The following CCBE1 variants were observed in gnomAD, a reference collection of about 807,000 sequenced individuals.
CCBE1 encodes collagen and calcium binding EGF domains 1, also known as collagen and calcium-binding EGF domain-containing protein 1.
CCBE1 carries 37 observed loss-of-function variants against 50.0 expected under a neutral mutation model. That is an observed-to-expected ratio of 0.74 (90% confidence interval 0.57 to 0.97). The LOEUF (loss-of-function observed/expected upper bound fraction) is 0.97, where lower values mean the gene tolerates loss of function less well. Among genes scored for constraint, CCBE1 ranks in the 50% least tolerant of loss-of-function variants. CCBE1 has a pLI of 0.00. For synonymous variants in CCBE1, 234 were observed against 203.7 expected (o/e 1.15, Z -1.27); for missense variants, 538 against 523.8 (o/e 1.03, Z -0.26).
At chr18:59,482,478 A>G (rs898836963) in intron 2 of CCBE1, among the ~76,000 whole-genome samples, 29 of 152,204 alleles carry the variant, frequency 1.9e-4, no homozygotes, top group Non-Finnish European at 5.9e-5. Flanking sequence ...TCATTCTACT[A>G]TAAAGATACA....
intron 2 of CCBE1, among the ~76,000 whole-genome samples, chr18:59,522,470 CAAGT>C (rs749316142): frequency 2.6e-5 from 4 of 152,034 alleles, no homozygotes; most frequent in Non-Finnish European, 4.4e-5. Flanking sequence ...TTAATAAAAA[CAAGT>C]AAGATAATCA....
chr18:59,507,156 C>A (rs919539281), intron 2 of CCBE1, among the ~76,000 whole-genome samples: 1 of 152,156 alleles, frequency 6.6e-6, no homozygotes. Context: ...GAAAATCAAC[C>A]ATATCTTCTT....
intron 2 of CCBE1, among the ~76,000 whole-genome samples, chr18:59,559,596 T>C (rs1044399364): frequency 2.0e-5 from 3 of 152,190 alleles, no homozygotes; most frequent in African/African-American, 7.2e-5. Flanking sequence ...GCATAAAGCC[T>C]CTTGTGTTTA....
intron 7 of CCBE1, among the ~76,000 whole-genome samples, chr18:59,440,313 G>A (rs1337561796): frequency 6.6e-6 from 1 of 152,194 alleles, no homozygotes; most frequent in African/African-American, 2.4e-5. Context: ...CATCTCATCT[G>A]TAAAAGTGGG....
intron 3 of CCBE1, among the ~76,000 whole-genome samples, chr18:59,478,609 C>G (rs655998): frequency 0.26 from 39,770 of 152,096 alleles, 5,293 homozygotes; most frequent in Non-Finnish European, 0.29. Context: ...AGGGAGACTA[C>G]TTTTAAGGCC....
chr18:59,676,861 G>A (rs77730554), intron 2 of CCBE1, among the ~76,000 whole-genome samples: 6 of 152,176 alleles, frequency 3.9e-5, no homozygotes, highest in Non-Finnish European at 5.9e-5. Flanking sequence ...GGATTTAAGT[G>A]GGGGGAAGAC....
intron 3 of CCBE1, among the ~76,000 whole-genome samples, chr18:59,476,335 C>G (rs1912304759): frequency 6.6e-6 from 1 of 152,118 alleles, no homozygotes; most frequent in South Asian, 2.1e-4. Context: ...ACTGTGTCCC[C>G]TTGAGAAACC....
chr18:59,545,865 G>A (rs1915661569), intron 2 of CCBE1, among the ~76,000 whole-genome samples: 1 of 152,180 alleles, frequency 6.6e-6, no homozygotes, highest in Non-Finnish European at 1.5e-5. Context: ...CCATGATTCT[G>A]AGGACTCCCC....
chr18:59,504,002 T>C (rs1467037413), intron 2 of CCBE1, among the ~76,000 whole-genome samples: 3 of 152,208 alleles, frequency 2.0e-5, no homozygotes, highest in Non-Finnish European at 2.9e-5. Flanking sequence ...GCAGGAGGCT[T>C]GCCTTGTTCA....
intron 2 of CCBE1, among the ~76,000 whole-genome samples, chr18:59,495,199 T>A (rs1913291671): frequency 1.3e-5 from 2 of 152,142 alleles, no homozygotes; most frequent in Non-Finnish European, 2.9e-5. Flanking sequence ...GGTGTACTTT[T>A]TTTGACCTAT....
intron 2 of CCBE1, among the ~76,000 whole-genome samples, chr18:59,694,343 A>C (rs982177493): frequency 6.6e-6 from 1 of 152,204 alleles, no homozygotes; most frequent in Non-Finnish European, 1.5e-5. Context: ...CTCAATTCAA[A>C]GTAACCTTTA....
chr18:59,577,307 G>A (rs530080080), intron 2 of CCBE1, among the ~76,000 whole-genome samples: 1 of 152,230 alleles, frequency 6.6e-6, no homozygotes, highest in Non-Finnish European at 1.5e-5. Flanking sequence ...CCAGGCAGCA[G>A]TTCCAGCTGG....
intron 2 of CCBE1, among the ~76,000 whole-genome samples, chr18:59,658,900 A>AAC (rs1555704936): frequency 6.7e-6 from 1 of 148,430 alleles, no homozygotes; most frequent in Non-Finnish European, 1.5e-5. Flanking sequence ...AAAAAAAAAA[A>AAC]AAAAAACTGT....
chr18:59,675,681 C>T (rs2054491571), intron 2 of CCBE1, among the ~76,000 whole-genome samples: 1 of 152,164 alleles, frequency 6.6e-6, no homozygotes, highest in African/African-American at 2.4e-5. Context: ...CATCAGAGAG[C>T]AGAGAAGGTT....
intron 2 of CCBE1, among the ~76,000 whole-genome samples, chr18:59,687,287 CCTTT>C (rs1599137805): frequency 6.6e-6 from 1 of 152,264 alleles, no homozygotes; most frequent in Non-Finnish European, 1.5e-5. Flanking sequence ...TATCTATGCA[CCTTT>C]CTAAGTTTAG....
At chr18:59,457,450 G>C (rs572254205) in intron 5 of CCBE1, among the ~76,000 whole-genome samples, 1 of 152,116 alleles carries the variant, frequency 6.6e-6, no homozygotes, top group Non-Finnish European at 1.5e-5. Context: ...CACTTGCCTC[G>C]ACCACAGCCC....
intron 5 of CCBE1, among the ~76,000 whole-genome samples, chr18:59,458,659 T>G (rs1911319780): frequency 6.6e-6 from 1 of 152,222 alleles, no homozygotes; most frequent in African/African-American, 2.4e-5. Context: ...GACCACGAAC[T>G]CAACTGGGTC....
chr18:59,695,700 C>T (rs2054795698), intron 2 of CCBE1, among the ~76,000 whole-genome samples: 1 of 152,150 alleles, frequency 6.6e-6, no homozygotes, highest in Admixed American at 6.5e-5. Context: ...CTTTCAAGTT[C>T]GTTTCTAGGG....
At chr18:59,500,635 A>G (rs1179484890) in intron 2 of CCBE1, among the ~76,000 whole-genome samples, 1 of 152,164 alleles carries the variant, frequency 6.6e-6, no homozygotes, top group African/African-American at 2.4e-5. Flanking sequence ...CTGGAAATCC[A>G]GCAGGGAGGG....
Sources: allele counts gnomAD v4.1 joint callset (sites outside exome capture counted in the v4.1 genomes callset), GRCh38; gene constraint gnomAD v4.1.1; transcripts MANE v1.5; gene names NCBI Gene and HGNC (gene_info 2026-07-23, HGNC 2026-07-21).